RASGEF1B: variants seen among roughly 807,000 people sequenced by gnomAD.
RASGEF1B encodes RasGEF domain family member 1B.
In RASGEF1B, 30 loss-of-function variants were observed where a neutral mutation model predicts 65.7. The observed-to-expected ratio is 0.46, with a 90% CI of 0.34 to 0.62. The LOEUF is 0.62. RASGEF1B is among the 20% of genes least tolerant of loss of function. The pLI is 0.01. For synonymous variants in RASGEF1B, 175 were observed against 194.8 expected, an observed-to-expected ratio of 0.90 and a Z score of 0.85; for missense variants, 495 against 580.1, an observed-to-expected ratio of 0.85 and a Z score of 1.51.
At chr4:81,440,774 G>T (rs1164288430) in intron 10 of RASGEF1B, 60 bp downstream of exon 10, 5 of 1,099,340 alleles carry the variant, frequency 4.5e-6, no homozygotes, top group Non-Finnish European at 6.8e-6. Flanking sequence ...AGTTCACATA[G>T]CATTTCAGCA....
chr4:81,443,625 C>T lies in RASGEF1B; in HGVS notation c.929-1249G>A, dbSNP rs1163764012. ...ATGTATCAATTGTTCATTTTTATTG[C>T]CAAACAGTATTTCATTGTATTAACA... On this transcript the variant is annotated intron_variant, in intron 8 of 13. Transcript: ENST00000264400. Among the ~76,000 whole-genome samples the T allele has an allele frequency of 1.1e-4, 17 of 152,260 alleles. No individual in the cohort carries two copies. In the East Asian group the frequency reaches 1.3e-3, roughly 12 times the overall value.
chr4:81,431,222 C>T (rs1369892091), intron 13 of RASGEF1B, among the ~76,000 whole-genome samples: 1 of 149,540 alleles, frequency 6.7e-6, no homozygotes, highest in Admixed American at 6.7e-5. Context: ...GTGCCACTGC[C>T]AGGCACAAAA....
Position 81,459,443 on chromosome 4 carries a change from C to A in RASGEF1B, c.66G>T (p.Gln22His), listed in dbSNP as rs148139699. ...DSSGYNRNLY[Q>H]SAEDSCGGLY... ...ACCCTCCACAGCTGTCCTCTGCAGA[C>A]TGATAGAGGTTTCGATTGTAACCAC... The change falls in exon 2 of 14, where the codon CAG becomes CAT. Residue 22 changes from glutamine (Q) to histidine (H), a missense_variant. Transcript: ENST00000264400. The A allele has an allele frequency of 1.4e-4, 227 of 1,612,928 alleles. No homozygotes were observed. The African/African-American group carries it at 2.8e-3, about 20-fold the overall frequency.
intron 6 of RASGEF1B, 131 bp from the exon 7 acceptor site, chr4:81,445,969 G>A (rs1317106317): frequency 1.5e-6 from 1 of 658,532 alleles, no homozygotes; most frequent in African/African-American, 1.8e-5. Context: ...CAGAAAGAGA[G>A]AGAGAAAGAC....
chr4:81,448,940 G>A (rs1308092978), intron 4 of RASGEF1B, among the ~76,000 whole-genome samples: 2 of 151,708 alleles, frequency 1.3e-5, no homozygotes, highest in East Asian at 3.9e-4. Flanking sequence ...TCAGCCTCCC[G>A]AGTAGCTGGG....
At position 81,445,793 on chromosome 4, in the gene RASGEF1B, C is replaced by T. The variant is rs1222332924; in HGVS notation, c.775G>A (p.Val259Met). 7 of 1,613,992 alleles carry T rather than the reference C, an allele frequency of 4.3e-6. No homozygotes were observed. The highest frequency in any genetic ancestry group is 1.3e-5 in the African/African-American group (1 of 74,930). ...TAGCTGAGGCGATTAAACCATTCCA[C>T]GTAAGCTTCTAAGTTTCGTGTTTTC... ...RKKTRNLEAYVEWFNRLSYLV... is the reference protein window; with the variant it reads ...RKKTRNLEAYMEWFNRLSYLV... The change falls in exon 7 of 14, where the codon GTG becomes ATG. Residue 259 changes from valine to methionine, a missense_variant. Physicochemically the swap from Val to Met is conservative, Grantham distance 21. Coordinates refer to ENST00000264400, the MANE Select transcript of RASGEF1B (RefSeq NM_152545.3).
At chr4:81,456,513 C>T (rs1436648341) in intron 4 of RASGEF1B, 138 bp downstream of exon 4, 1 of 839,130 alleles carries the variant, frequency 1.2e-6, no homozygotes, top group Non-Finnish European at 2.1e-6. Flanking sequence ...CTAAATAGAC[C>T]AATATGTGAT....
At chr4:81,445,863 A>AT in intron 6 of RASGEF1B, 25 bp from the exon 7 acceptor site, 1 of 1,570,274 alleles carries the variant, frequency 6.4e-7, no homozygotes, top group Non-Finnish European at 8.8e-7. Flanking sequence ...AAGTAAACAG[A>AT]TGAGTTAGAG....
chr4:81,450,586 G>A (rs1017207684), intron 4 of RASGEF1B, among the ~76,000 whole-genome samples: 8 of 151,980 alleles, frequency 5.3e-5, no homozygotes, highest in African/African-American at 1.9e-4. Context: ...TTTTGTTTTA[G>A]TAGAGATGGG....
At chr4:81,442,515 T>A in intron 8 of RASGEF1B, 139 bp from the exon 9 acceptor site, 1 of 632,578 alleles carries the variant, frequency 1.6e-6, no homozygotes, top group Non-Finnish European at 2.8e-6. Context: ...TCCAATTTTA[T>A]AACTTTTTTT....
intron 12 of RASGEF1B, 117 bp from the exon 13 acceptor site, chr4:81,432,488 A>C: frequency 1.7e-6 from 1 of 594,816 alleles, no homozygotes; most frequent in Non-Finnish European, 3.0e-6. Context: ...TCAAAATATC[A>C]AGTCATGACC....
At chr4:81,469,619 ATACATATGTATATATG>A (rs1273431367) in intron 1 of RASGEF1B, among the ~76,000 whole-genome samples, 1 of 151,258 alleles carries the variant, frequency 6.6e-6, no homozygotes, top group East Asian at 1.9e-4. Flanking sequence ...ATACATATAA[ATACATATGTATATATG>A]TACATATATG....
At chr4:81,460,943 C>T (rs572058168) in intron 1 of RASGEF1B, among the ~76,000 whole-genome samples, 5 of 152,234 alleles carry the variant, frequency 3.3e-5, no homozygotes, top group African/African-American at 1.2e-4. Flanking sequence ...GGGTCACTGG[C>T]CCCATGTCTC....
In RASGEF1B at chr4:81,465,173, CATA is replaced by C. The variant is rs531592673; in HGVS notation, c.-6-5662_-6-5660del. On this transcript the variant is annotated intron_variant, in intron 1 of 13. Coordinates refer to ENST00000264400, the MANE Select transcript of RASGEF1B (RefSeq NM_152545.3). ...AACTGAGTTAAGAGAATAAAATAAT[CATA>C]ATTATTTTGGTTTGGGTACAGCTAT... Among the ~76,000 whole-genome samples the C allele has an allele frequency of 5.9e-5, 9 of 151,504 alleles. No homozygotes were observed. In the East Asian group the frequency reaches 1.7e-3, roughly 29 times the overall value.
chr4:81,464,078 A>G (rs1214477589), intron 1 of RASGEF1B, among the ~76,000 whole-genome samples: 1 of 152,124 alleles, frequency 6.6e-6, no homozygotes, highest in Non-Finnish European at 1.5e-5. Context: ...TGCCTTCCTT[A>G]TTGGCAGCAA....
intron 8 of RASGEF1B, among the ~76,000 whole-genome samples, chr4:81,444,391 G>T (rs1257195586): frequency 6.6e-6 from 1 of 152,076 alleles, no homozygotes; most frequent in Non-Finnish European, 1.5e-5. Flanking sequence ...TATTTTTTAT[G>T]GGGGGAGAGA....
intron 1 of RASGEF1B, 80 bp downstream of exon 1, chr4:81,471,690 G>C (rs1723033216): frequency 6.6e-6 from 1 of 152,658 alleles, no homozygotes; most frequent in Non-Finnish European, 1.5e-5. Flanking sequence ...GGAGAGCGCA[G>C]CGCGCAGTAG....
intron 13 of RASGEF1B, among the ~76,000 whole-genome samples, chr4:81,430,647 G>C (rs1473632727): frequency 6.6e-6 from 1 of 152,194 alleles, no homozygotes; most frequent in Admixed American, 6.5e-5. Flanking sequence ...CGCATGCCCT[G>C]GGAGGGGCAC....
At chr4:81,435,622 T>C (rs1440353633) in intron 10 of RASGEF1B, among the ~76,000 whole-genome samples, 1 of 148,408 alleles carries the variant, frequency 6.7e-6, no homozygotes, top group African/African-American at 2.5e-5. Context: ...GAACCCACCA[T>C]CATGCCCGGC....
Sources: gnomAD v4.1 joint callset for allele counts (sites outside exome capture counted in the v4.1 genomes callset) on GRCh38, gnomAD v4.1.1 for gene constraint, MANE v1.5 for transcripts, NCBI Gene and HGNC (gene_info 2026-07-23, HGNC 2026-07-21) for gene names.